SNTB1: variants seen among roughly 807,000 people sequenced by gnomAD.
The protein encoded by SNTB1 is beta-1-syntrophin.
In SNTB1, 36 loss-of-function variants were observed where a neutral mutation model predicts 48.9. The observed-to-expected ratio is 0.74, with a 90% CI of 0.56 to 0.97. The LOEUF (loss-of-function observed/expected upper bound fraction) is 0.97, where lower values mean the gene tolerates loss of function less well. Ranked by LOEUF, SNTB1 falls within the 50% of genes least tolerant of loss-of-function variation. SNTB1 has a pLI of 0.00. For synonymous variants in SNTB1, 299 were observed against 294.6 expected, an observed-to-expected ratio of 1.01 and a Z score of -0.15; for missense variants, 786 against 703.4, an observed-to-expected ratio of 1.12 and a Z score of -1.33.
intron 2 of SNTB1, chr8:120,636,932 A>T: frequency 3.7e-6 from 1 of 267,324 alleles, no homozygotes; most frequent in Middle Eastern, 5.9e-4. Context: ...TTAAGATCTC[A>T]TTGCAAATTT....
chr8:120,728,762 C>T (rs1818802751), intron 1 of SNTB1, among the ~76,000 whole-genome samples: 1 of 152,160 alleles, frequency 6.6e-6, no homozygotes, highest in South Asian at 2.1e-4. Flanking sequence ...TAGGTTGATT[C>T]CATGTCTTAG....
At chr8:120,742,587 C>T (rs1819057987) in intron 1 of SNTB1, among the ~76,000 whole-genome samples, 1 of 152,186 alleles carries the variant, frequency 6.6e-6, no homozygotes, top group African/African-American at 2.4e-5. Flanking sequence ...AAGTTCTCCA[C>T]CTTTCTCACA....
At chr8:120,800,009 C>G (rs576610371) in intron 1 of SNTB1, among the ~76,000 whole-genome samples, 2 of 152,124 alleles carry the variant, frequency 1.3e-5, no homozygotes, top group African/African-American at 4.8e-5. Context: ...TAAAAGATAT[C>G]ACATTATTGA....
intron 1 of SNTB1, among the ~76,000 whole-genome samples, chr8:120,774,684 T>G (rs1819701418): frequency 6.6e-6 from 1 of 152,162 alleles, no homozygotes; most frequent in Non-Finnish European, 1.5e-5. Flanking sequence ...GAGATGGGTC[T>G]CGCTCTGTCA....
At chr8:120,712,299 C>T (rs942001679) in intron 1 of SNTB1, among the ~76,000 whole-genome samples, 15 of 151,184 alleles carry the variant, frequency 9.9e-5, no homozygotes, top group African/African-American at 3.4e-4. Flanking sequence ...CCTGTAGTCC[C>T]GGCTACTCAG....
intron 2 of SNTB1, among the ~76,000 whole-genome samples, chr8:120,667,819 C>T (rs1218360005): frequency 1.3e-5 from 2 of 152,054 alleles, no homozygotes; most frequent in African/African-American, 4.8e-5. Context: ...GTTTGTTAGG[C>T]AGGACTGGAG....
chr8:120,651,367 T>C (rs1240326904), intron 2 of SNTB1, among the ~76,000 whole-genome samples: 1 of 152,212 alleles, frequency 6.6e-6, no homozygotes, highest in Non-Finnish European at 1.5e-5. Context: ...CCTGATAACA[T>C]GTCACCCTTT....
intron 2 of SNTB1, among the ~76,000 whole-genome samples, chr8:120,659,387 A>G (rs1563844233): frequency 6.6e-6 from 1 of 152,128 alleles, no homozygotes; most frequent in Admixed American, 6.5e-5. Context: ...CGACGCCTGC[A>G]TTTGTTCAAG....
At chr8:120,662,328 T>A (rs1385438887) in intron 2 of SNTB1, among the ~76,000 whole-genome samples, 1 of 152,238 alleles carries the variant, frequency 6.6e-6, no homozygotes, top group Non-Finnish European at 1.5e-5. Flanking sequence ...AAATTCAATC[T>A]TTCTCATCTT....
intron 1 of SNTB1, among the ~76,000 whole-genome samples, chr8:120,744,784 T>C (rs1052903791): frequency 1.3e-5 from 2 of 152,198 alleles, no homozygotes; most frequent in Non-Finnish European, 2.9e-5. Flanking sequence ...CTGTCTCTTC[T>C]TCTATGTCCA....
intron 3 of SNTB1, among the ~76,000 whole-genome samples, chr8:120,621,008 G>A (rs1816786519): frequency 6.6e-6 from 1 of 151,172 alleles, no homozygotes. Context: ...CCCCCAGGCT[G>A]GAGTACAGTG....
At chr8:120,560,477 C>T (rs1403594194) in intron 4 of SNTB1, among the ~76,000 whole-genome samples, 2 of 152,056 alleles carry the variant, frequency 1.3e-5, no homozygotes, top group Admixed American at 6.5e-5. Context: ...AGCGAGACTT[C>T]GTCTCAAAAT....
At chr8:120,765,156 C>T (rs5016733) in intron 1 of SNTB1, among the ~76,000 whole-genome samples, 3,501 of 152,170 alleles carry the variant, frequency 0.023, 134 homozygotes, top group African/African-American at 0.08. Flanking sequence ...ACCTGGGAGG[C>T]GGAGCTTGCA....
At chr8:120,687,462 TG>T (rs1475259142) in intron 2 of SNTB1, among the ~76,000 whole-genome samples, 5 of 151,718 alleles carry the variant, frequency 3.3e-5, no homozygotes, top group Non-Finnish European at 5.9e-5. Context: ...CTCAAAGGAG[TG>T]GGAGTGTTGG....
chr8:120,654,396 T>C (rs753162032), intron 2 of SNTB1, among the ~76,000 whole-genome samples: 3 of 152,202 alleles, frequency 2.0e-5, no homozygotes, highest in Non-Finnish European at 4.4e-5. Context: ...TGTTCCCCAG[T>C]TGAACTGACC....
chr8:120,806,552 G>A (rs1192944918), intron 1 of SNTB1, among the ~76,000 whole-genome samples: 1 of 152,158 alleles, frequency 6.6e-6, no homozygotes, highest in African/African-American at 2.4e-5. Context: ...AGTAGAGTTA[G>A]GCTATGTTAT....
At chr8:120,576,837 T>C (rs1815959599) in intron 3 of SNTB1, among the ~76,000 whole-genome samples, 2 of 152,138 alleles carry the variant, frequency 1.3e-5, no homozygotes, top group Non-Finnish European at 2.9e-5. Flanking sequence ...TAGAAATGCT[T>C]AATACAGTGC....
intron 2 of SNTB1, among the ~76,000 whole-genome samples, chr8:120,639,264 G>GTTC (rs982086950): frequency 1.3e-5 from 2 of 152,098 alleles, no homozygotes; most frequent in Non-Finnish European, 2.9e-5. Context: ...ATTTGTTTGA[G>GTTC]TTCTTTGTAG....
chr8:120,763,011 T>C (rs1034438395), intron 1 of SNTB1, among the ~76,000 whole-genome samples: 1 of 152,238 alleles, frequency 6.6e-6, no homozygotes, highest in Non-Finnish European at 1.5e-5. Context: ...CAGAGGTTCA[T>C]AGCCAGGCAC....
Sources: allele counts gnomAD v4.1 joint callset (sites outside exome capture counted in the v4.1 genomes callset), GRCh38; gene constraint gnomAD v4.1.1; transcripts MANE v1.5; gene names NCBI Gene and HGNC (gene_info 2026-07-23, HGNC 2026-07-21).